The following ANKRD36C variants were observed in gnomAD, a reference collection of about 807,000 sequenced individuals.
ANKRD36C encodes ankyrin repeat domain 36C.
In ANKRD36C, 61 loss-of-function variants were observed where a neutral mutation model predicts 276.4. The observed-to-expected ratio is 0.22, with a 90% CI of 0.18 to 0.27. The LOEUF (loss-of-function observed/expected upper bound fraction) is 0.27. ANKRD36C is among the 10% of genes least tolerant of loss of function. The probability of loss-of-function intolerance (pLI) is 1.00; values close to 1 mark genes in which losing one functional copy is unlikely to be tolerated. For synonymous variants in ANKRD36C, 483 were observed against 680.1 expected (o/e 0.71, Z 4.51); for missense variants, 1,447 against 2,032.3 (o/e 0.71, Z 5.54).
chr2:95,878,102 T>G (rs2104315302), intron 58 of ANKRD36C, among the ~76,000 whole-genome samples: 1 of 149,286 alleles, frequency 6.7e-6, no homozygotes, highest in African/African-American at 2.5e-5. Context: ...GAGAATCGCT[T>G]TAACCCGGGA....
intron 42 of ANKRD36C, among the ~76,000 whole-genome samples, chr2:95,908,142 G>C (rs560349376): frequency 3.3e-5 from 5 of 149,984 alleles, no homozygotes; most frequent in Non-Finnish European, 7.5e-5. Flanking sequence ...TCTTTTCTTG[G>C]CAGTACGATC....
Position 95,914,151 on chromosome 2 carries a change from CA to C in ANKRD36C, c.2507del (p.Leu836Ter). On this transcript the variant is annotated frameshift_variant, in exon 40 of 67. Coordinates refer to ENST00000456556, the Ensembl canonical transcript of ANKRD36C. LOFTEE classifies it high-confidence loss of function. ...CATCCTCTTTTCCTCTGGCTATATTCAAAACAGAATCTTCCTCGTCACTTGT... is the reference window on the plus strand; with the variant it reads ...CATCCTCTTTTCCTCTGGCTATATTCAAACAGAATCTTCCTCGTCACTTGT... The C allele has an allele frequency of 6.3e-7, 1 of 1,583,586 alleles. No individual in the cohort carries two copies. The highest frequency in any genetic ancestry group is 8.6e-7 in the Non-Finnish European group (1 of 1,162,682).
intron 42 of ANKRD36C, among the ~76,000 whole-genome samples, chr2:95,909,049 C>G (rs1484225518): frequency 6.6e-6 from 1 of 150,964 alleles, no homozygotes; most frequent in African/African-American, 2.4e-5. Context: ...AAAGCAGGTG[C>G]TACATGATCC....
chr2:95,894,371 C>T (rs1180206752), intron 44 of ANKRD36C: 1 of 152,534 alleles, frequency 6.6e-6, no homozygotes, highest in Non-Finnish European at 1.5e-5. Context: ...AAAGTTTCTT[C>T]ATCCACTCAT....
chr2:95,933,558 C>T (rs1677630780), intron 24 of ANKRD36C, among the ~76,000 whole-genome samples: 1 of 138,104 alleles, frequency 7.2e-6, no homozygotes, highest in Non-Finnish European at 1.6e-5. Context: ...GGCGTTCACT[C>T]ATGATGATTT....
At chr2:95,930,611 A>C in intron 24 of ANKRD36C, among the ~76,000 whole-genome samples, 1 of 151,290 alleles carries the variant, frequency 6.6e-6, no homozygotes, top group East Asian at 1.9e-4. Context: ...AAATCACTAG[A>C]GACTTCTTTT....
intron 46 of ANKRD36C, 81 bp downstream of exon 66, chr2:95,891,584 A>G (rs931802016): frequency 6.9e-5 from 101 of 1,473,254 alleles, no homozygotes; most frequent in Non-Finnish European, 7.0e-5. Flanking sequence ...GCTTCAACGA[A>G]CCCCCCGCTG....
At chr2:95,911,460 T>C (rs1475126114) in intron 42 of ANKRD36C, among the ~76,000 whole-genome samples, 2 of 151,518 alleles carry the variant, frequency 1.3e-5, no homozygotes, top group Non-Finnish European at 3.0e-5. Context: ...AGAAGTTTCA[T>C]TAAACAGCTA....
At chr2:95,978,490 G>A (rs1678857028) in intron 5 of ANKRD36C, among the ~76,000 whole-genome samples, 1 of 151,994 alleles carries the variant, frequency 6.6e-6, no homozygotes, top group Non-Finnish European at 1.5e-5. Flanking sequence ...ACAGGTATTT[G>A]CTCTTAAACA....
intron 42 of ANKRD36C, among the ~76,000 whole-genome samples, chr2:95,910,895 C>T (rs1196358719): frequency 4.6e-5 from 7 of 151,416 alleles, no homozygotes; most frequent in African/African-American, 1.5e-4. Context: ...AACTCAGACA[C>T]CTGAGAATCA....
intron 64 of ANKRD36C, chr2:95,853,200 C>T (rs1247075091): frequency 2.0e-5 from 3 of 153,586 alleles, no homozygotes; most frequent in Non-Finnish European, 4.3e-5. Flanking sequence ...AGTAAAATGG[C>T]CTTTCTGAAC....
rs1410469876 is a variant in ANKRD36C at position 95,987,075 on chromosome 2, A to G, written c.312+17T>C. On this transcript the variant is annotated intron_variant, in intron 2 of 66. Transcript: ENST00000456556. The stretch of plus-strand genomic sequence containing the variant: ...CCAAATCCATCTCATGCTCAAAAAG[A>G]GTCAGCTACTATGTACCTTGATCAG... 7.0e-7 allele frequency: 1 copy of G among 1,419,576 alleles called. No homozygotes were observed. Among genetic ancestry groups the G allele is most frequent in the Admixed American group, 2.0e-5 (1 of 49,462 alleles). The allele number at this position is 1,419,576 out of a possible 1,614,324, so 87.9% of individuals were successfully genotyped here.
At chr2:95,860,112 T>C in intron 60 of ANKRD36C, 38 bp from the exon 81 acceptor site, 5 of 1,292,914 alleles carry the variant, frequency 3.9e-6, no homozygotes, top group Non-Finnish European at 4.3e-6. Context: ...ATAAAATACA[T>C]GAGTAGATTT....
intron 52 of ANKRD36C, among the ~76,000 whole-genome samples, chr2:95,885,763 A>C (rs1339695849): frequency 6.6e-6 from 1 of 151,786 alleles, no homozygotes; most frequent in Non-Finnish European, 1.5e-5. Context: ...CTTGCTGTAG[A>C]ATTAAAGCAA....
At chr2:95,988,031 T>A (rs1055038967) in intron 1 of ANKRD36C, among the ~76,000 whole-genome samples, 1 of 151,740 alleles carries the variant, frequency 6.6e-6, no homozygotes, top group Non-Finnish European at 1.5e-5. Context: ...TATTGATATA[T>A]AAAGTAACGT....
Position 95,913,738 on chromosome 2 carries a change from T to C in ANKRD36C, c.2551+370A>G, listed in dbSNP as rs183310851. Reference sequence around the variant, plus strand: ...TCTATGGGTTGTTACAAGCTTTCTGTCTTTTCTTGGCAGTATGATCTGAAG... The same window carrying C: ...TCTATGGGTTGTTACAAGCTTTCTGCCTTTTCTTGGCAGTATGATCTGAAG... On this transcript the variant is annotated intron_variant, in intron 40 of 66. Transcript: ENST00000456556. Among the ~76,000 whole-genome samples, 1,011 of 151,558 alleles carry C rather than the reference T, an allele frequency of 6.7e-3. 11 individuals are homozygous for C. The highest frequency in any genetic ancestry group is 9.9e-3 in the Non-Finnish European group (666 of 67,602).
At chr2:95,970,936 C>T (rs1678684365) in intron 6 of ANKRD36C, among the ~76,000 whole-genome samples, 1 of 152,040 alleles carries the variant, frequency 6.6e-6, no homozygotes, top group Non-Finnish European at 1.5e-5. Context: ...CTCAACCCTC[C>T]CCATTATGTG....
chr2:95,931,849 T>TAAACACACACACACACACACCC (rs906940562), intron 24 of ANKRD36C, among the ~76,000 whole-genome samples: 1 of 111,612 alleles, frequency 9.0e-6, no homozygotes, highest in Non-Finnish European at 2.1e-5. Context: ...TACACACACA[T>TAAACACACACACACACACACCC]ACACACACAC....
chr2:95,934,413 C>T (rs1475558082), intron 24 of ANKRD36C, among the ~76,000 whole-genome samples: 1 of 152,086 alleles, frequency 6.6e-6, no homozygotes, highest in African/African-American at 2.4e-5. Flanking sequence ...TCATGGAATA[C>T]TATGCAGCCA....
Sources: gnomAD v4.1 joint callset for allele counts (sites outside exome capture counted in the v4.1 genomes callset) on GRCh38, gnomAD v4.1.1 for gene constraint, MANE v1.5 for transcripts, NCBI Gene and HGNC (gene_info 2026-07-23, HGNC 2026-07-21) for gene names.